CAD: variants seen among roughly 807,000 people sequenced by gnomAD.
CAD encodes carbamoyl-phosphate synthetase 2, aspartate transcarbamylase, and dihydroorotase.
A neutral mutation model predicts 237.2 loss-of-function variants in CAD; 81 were observed. The ratio of observed to expected loss-of-function variants is 0.34; its 90% confidence interval spans 0.29 to 0.41. The LOEUF is 0.41. Ranked by LOEUF, CAD falls within the 10% of genes least tolerant of loss-of-function variation. CAD has a pLI of 1.00. For synonymous variants in CAD, 1,196 were observed against 1,162.8 expected (o/e 1.03, Z -0.58); for missense variants, 2,181 against 2,951.7 (o/e 0.74, Z 6.05).
At chr2:27,220,293 C>A (rs1323940382) in intron 2 of CAD, among the ~76,000 whole-genome samples, 1 of 152,082 alleles carries the variant, frequency 6.6e-6, no homozygotes, top group African/African-American at 2.4e-5. Flanking sequence ...GAGGCACAAG[C>A]TGTATTGGGT....
chr2:27,222,564 T>G lies in CAD; in HGVS notation c.541T>G (p.Leu181Val). 6.2e-7 allele frequency: 1 copy of G among 1,614,128 alleles called. No homozygotes were observed. The highest frequency in any genetic ancestry group is 8.5e-7 in the Non-Finnish European group (1 of 1,179,996). The stretch of plus-strand genomic sequence containing the variant: ...AGGGGGTGCCCCTCGGATCCTTGCT[T>G]TGGACTGTGGCCTCAAGTATAATCA... ...NTGGAPRILA[L>V]DCGLKYNQIR... Residue 181 changes from leucine (L) to valine (V), a missense_variant, in exon 5 of 44, where the codon TTG becomes GTG. Around this residue, in one of 12 missense-constraint regions of CAD, gnomAD observed 314 missense variants for 339.4 expected, o/e 0.93. Transcript: ENST00000264705.
Position 27,237,333 on chromosome 2 carries a change from T to A in CAD, c.4397-46T>A. 6.2e-7 allele frequency: 1 copy of A among 1,601,386 alleles called. No homozygotes were observed. The highest frequency in any genetic ancestry group is 8.5e-7 in the Non-Finnish European group (1 of 1,170,108). On this transcript the variant is annotated intron_variant, in intron 27 of 43. Coordinates refer to ENST00000264705, the MANE Select transcript of CAD (RefSeq NM_004341.5). The surrounding 1 kb of genome is among the most constrained non-coding windows in gnomAD (Gnocchi z 4.0). ...GCCACCATGTCCAGCTCACCCTTCC[T>A]ATTTCTGAATCTTCCTGTAATCTTG...
At chr2:27,218,426 A>G (rs539933387) in intron 2 of CAD, among the ~76,000 whole-genome samples, 2 of 152,320 alleles carry the variant, frequency 1.3e-5, no homozygotes, top group Admixed American at 1.3e-4. Flanking sequence ...AAGCCAAAGC[A>G]GAGTCAGCTT....
In CAD at chr2:27,225,717, G is replaced by A. The variant is rs370814804; in HGVS notation, c.1633G>A (p.Ala545Thr). 17 of 1,613,742 alleles carry A rather than the reference G, an allele frequency of 1.1e-5. No homozygotes were observed. The highest frequency in any genetic ancestry group is 1.4e-5 in the Non-Finnish European group (17 of 1,179,706). Residue 545 changes from alanine (A) to threonine (T), a missense_variant, in exon 12 of 44, where the codon GCT becomes ACT. Around this residue, in one of 12 missense-constraint regions of CAD, gnomAD observed 174 missense variants for 215.8 expected, o/e 0.81. Coordinates refer to ENST00000264705, the MANE Select transcript of CAD (RefSeq NM_004341.5). ...ANSLEQAQAA[A>T]ERLGYPVLVR... ...CCACTCATTGCAGGCCCAGGCAGCCGCTGAACGGCTGGGGTACCCTGTGCT... is the reference window on the plus strand; with the variant it reads ...CCACTCATTGCAGGCCCAGGCAGCCACTGAACGGCTGGGGTACCCTGTGCT...
chr2:27,228,589 TTTTGTTTG>T (rs147722146), intron 15 of CAD, among the ~76,000 whole-genome samples: 5,076 of 152,126 alleles, frequency 0.033, 278 homozygotes, highest in African/African-American at 0.12. Context: ...ACCCTGTCTT[TTTTGTTTG>T]TTTGTTTGTT....
Position 27,243,412 on chromosome 2 carries a change from G to A in CAD, c.6576-4G>A, listed in dbSNP as rs1437702914. 12 of 658,626 alleles carry A rather than the reference G, an allele frequency of 1.8e-5. No homozygotes were observed. The South Asian group carries it at 2.7e-4, about 15-fold the overall frequency. 40.8% of individuals were successfully genotyped at this position (658,626 alleles called of 1,614,324 possible). On this transcript the variant is annotated splice_region_variant and splice_polypyrimidine_tract_variant and intron_variant, in intron 43 of 43. Transcript: ENST00000264705. The stretch of plus-strand genomic sequence containing the variant: ...TTCCTTTTTTTTTTTTTTTTTTTTT[G>A]CAGCGTGGAAGTGGACTCGGATCCC...
In CAD at chr2:27,237,558, A is replaced by C. The variant is rs202045089; in HGVS notation, c.4563+13A>C. 8.6e-5 allele frequency: 138 copies of C among 1,609,880 alleles called. No homozygotes were observed. Among genetic ancestry groups the C allele is most frequent in the Non-Finnish European group, 8.6e-5 (101 of 1,177,940 alleles). On this transcript the variant is annotated intron_variant, in intron 28 of 43. Transcript: ENST00000264705. The surrounding 1 kb of genome is among the most constrained non-coding windows in gnomAD (Gnocchi z 4.0). ...CCTGGCCCAGAAGGTGAGCCACTGC[A>C]CTCTTCCTGGTATTGGAGACCCATA...
intron 11 of CAD, among the ~76,000 whole-genome samples, 156 bp from the exon 12 acceptor site, chr2:27,225,549 A>AAC (rs1553367507): frequency 4.1e-5 from 6 of 145,408 alleles, no homozygotes; most frequent in Non-Finnish European, 7.6e-5. Flanking sequence ...CAGGTGATCC[A>AAC]CCCCCCCGAC....
rs1236846421 is a variant in CAD, at chr2:27,241,479, T to C, written c.5883+83T>C. On this transcript the variant is annotated intron_variant, in intron 38 of 43. Transcript: ENST00000264705. The surrounding 1 kb of genome is among the most constrained non-coding windows in gnomAD (Gnocchi z 4.6). ...GCGCAGGGCCGCGCAGTGGTCAGAG[T>C]GGGTCTTCCTCCCCCTGCCATCCCG... 2 of 1,298,350 alleles carry C rather than the reference T, an allele frequency of 1.5e-6. No individual in the cohort carries two copies. Among genetic ancestry groups the C allele is most frequent in the African/African-American group, 1.5e-5 (1 of 68,472 alleles). The allele number at this position is 1,298,350 out of a possible 1,614,324, so 80.4% of individuals were successfully genotyped here.
At chr2:27,227,883 AGATT>A (rs1168064423) in intron 15 of CAD, among the ~76,000 whole-genome samples, 2 of 152,238 alleles carry the variant, frequency 1.3e-5, no homozygotes, top group African/African-American at 2.4e-5. Flanking sequence ...TGCCTTACAG[AGATT>A]GATTAATTCG....
In CAD at chr2:27,225,085, C is replaced by T. The variant is rs1466708473; in HGVS notation, c.1462C>T (p.Leu488=). The T allele has an allele frequency of 1.2e-6, 2 of 1,614,096 alleles. No homozygotes were observed. Among genetic ancestry groups the T allele is most frequent in the African/African-American group, 2.7e-5 (2 of 74,934 alleles). The change falls in exon 11 of 44, where the codon CTG becomes TTG. Residue 488 remains leucine, a synonymous_variant. Transcript: ENST00000264705. ...GQTALNCGVE[L]TKAGVLARYG... ...GACTGCTCTGAACTGTGGTGTGGAGCTGACCAAGGCCGGGGTGCTGGCTCG... is the reference window on the plus strand; with the variant it reads ...GACTGCTCTGAACTGTGGTGTGGAGTTGACCAAGGCCGGGGTGCTGGCTCG...
intron 2 of CAD, among the ~76,000 whole-genome samples, chr2:27,219,041 C>G (rs766417404): frequency 6.6e-6 from 1 of 152,182 alleles, no homozygotes; most frequent in Non-Finnish European, 1.5e-5. Context: ...CAGTCATCAC[C>G]TTTGTCAACT....
At position 27,242,514 on chromosome 2, in the gene CAD, G is replaced by A. The variant is rs1676371079; in HGVS notation, c.6222+87G>A. The A allele has an allele frequency of 2.6e-6, 4 of 1,561,732 alleles. No individual in the cohort carries two copies. The highest frequency in any genetic ancestry group is 1.7e-4 in the Middle Eastern group (1 of 5,830). On this transcript the variant is annotated intron_variant, in intron 40 of 43. Transcript: ENST00000264705. This position sits in a 1 kb window ranked among gnomAD's most constrained non-coding sequence, Gnocchi z 6.4. ...GTGGTTACCCCGGTACAGGACAGCT[G>A]CATCAAGGAGGCCTTCATTCTGCTC...
chr2:27,233,008 T>C lies in CAD; in HGVS notation c.2893-34T>C. 7.2e-7 allele frequency: 1 copy of C among 1,395,980 alleles called. No individual in the cohort carries two copies. The highest frequency in any genetic ancestry group is 1.0e-6 in the Non-Finnish European group (1 of 981,096). 86.5% of individuals were successfully genotyped at this position (1,395,980 alleles called of 1,614,324 possible). On this transcript the variant is annotated intron_variant, in intron 18 of 43. Coordinates refer to ENST00000264705, the MANE Select transcript of CAD (RefSeq NM_004341.5). This position sits in a 1 kb window ranked among gnomAD's most constrained non-coding sequence, Gnocchi z 6.3. ...TTTTCTCCACGATTTTCCTCCCACCTGACTGCTAAGTACCCTTCCCCTCCC... is the reference window on the plus strand; with the variant it reads ...TTTTCTCCACGATTTTCCTCCCACCCGACTGCTAAGTACCCTTCCCCTCCC...
Position 27,238,144 on chromosome 2 carries a change from C to T in CAD, c.4817C>T (p.Thr1606Ile). 1 of 1,614,216 alleles carries T rather than the reference C, an allele frequency of 6.2e-7. No homozygotes were observed. Among genetic ancestry groups the T allele is most frequent in the Non-Finnish European group, 8.5e-7 (1 of 1,180,046 alleles). Reference sequence around the variant, plus strand: ...GCTGTCCTCATGGTGGCTCAGCTCACTCAGCGCTCAGTGCACATATGTCAC... The same window carrying T: ...GCTGTCCTCATGGTGGCTCAGCTCATTCAGCGCTCAGTGCACATATGTCAC... ...VAAVLMVAQL[T>I]QRSVHICHVA... is the part of the protein sequence containing the mutation. Residue 1606 changes from threonine to isoleucine, a missense_variant, in exon 30 of 44, where the codon ACT (threonine) becomes ATT (isoleucine). Around this residue, in one of 12 missense-constraint regions of CAD, gnomAD observed 478 missense variants for 515.0 expected, o/e 0.93. Coordinates refer to ENST00000264705, the MANE Select transcript of CAD (RefSeq NM_004341.5).
rs745890099 is a variant in CAD at position 27,225,167 on chromosome 2, G to A, written c.1544G>A (p.Arg515Gln). 6.2e-7 allele frequency: 1 copy of A among 1,614,158 alleles called. No homozygotes were observed. The highest frequency in any genetic ancestry group is 1.7e-5 in the Admixed American group (1 of 60,020). Reference sequence around the variant, plus strand: ...GAGACCATTGAGCTGACCGAGGATCGACGGGCCTTTGCTGCCAGAATGGCA... The same window carrying A: ...GAGACCATTGAGCTGACCGAGGATCAACGGGCCTTTGCTGCCAGAATGGCA... ...PVETIELTED[R>Q]RAFAARMAEI... The change falls in exon 11 of 44, where the codon CGA (arginine) becomes CAA (glutamine). Residue 515 changes from arginine (R) to glutamine (Q), a missense_variant. By Grantham distance (43) the Arg-to-Gln change is conservative (BLOSUM62 1). Around this residue, in one of 12 missense-constraint regions of CAD, gnomAD observed 174 missense variants for 215.8 expected, o/e 0.81. Coordinates refer to ENST00000264705, the MANE Select transcript of CAD (RefSeq NM_004341.5).
In CAD at chr2:27,217,882, C is replaced by G; in HGVS notation, c.88C>G (p.Gln30Glu). ...GCCCTGCTTCTTTCTTGCAGTGTTTCAAACCGGCATGGTCGGCTACCCCGA... is the reference window on the plus strand; with the variant it reads ...GCCCTGCTTCTTTCTTGCAGTGTTTGAAACCGGCATGGTCGGCTACCCCGA... ...AVSTAGEVVF[Q>E]TGMVGYPEAL... Residue 30 changes from glutamine to glutamate, a missense_variant, in exon 2 of 44, where the codon CAA becomes GAA. Coordinates refer to ENST00000264705, the MANE Select transcript of CAD (RefSeq NM_004341.5). 2.5e-6 allele frequency: 4 copies of G among 1,601,590 alleles called. No homozygotes were observed. The highest frequency in any genetic ancestry group is 3.4e-6 in the Non-Finnish European group (4 of 1,174,450).
chr2:27,235,466 C>G lies in CAD; in HGVS notation c.3969+39C>G, dbSNP rs1367174954. 6.2e-7 allele frequency: 1 copy of G among 1,608,846 alleles called. No individual in the cohort carries two copies. The highest frequency in any genetic ancestry group is 8.5e-7 in the Non-Finnish European group (1 of 1,176,148). ...GGAGGGCTTCCCGAGGGCCGTGGCT[C>G]CCTGGGCCAGGGCTGACCTTGAAAT... On this transcript the variant is annotated intron_variant, in intron 24 of 43. Transcript: ENST00000264705. The surrounding 1 kb of genome is among the most constrained non-coding windows in gnomAD (Gnocchi z 5.2).
intron 15 of CAD, among the ~76,000 whole-genome samples, chr2:27,229,353 G>A (rs547563836): frequency 2.0e-5 from 3 of 152,200 alleles, no homozygotes; most frequent in African/African-American, 7.2e-5. Flanking sequence ...CTGCAGCTTG[G>A]ATCTTCTAGG....
Sources: gnomAD v4.1 joint callset for allele counts (sites outside exome capture counted in the v4.1 genomes callset) on GRCh38, gnomAD v4.1.1 for gene constraint, gnomAD v4.1.1 regional missense constraint, Gnocchi (gnomAD v3.1) non-coding constraint, MANE v1.5 for transcripts, NCBI Gene and HGNC (gene_info 2026-07-23, HGNC 2026-07-21) for gene names.